AUTS2: variants seen among roughly 807,000 people sequenced by gnomAD.
AUTS2 encodes autism susceptibility gene 2 protein.
In AUTS2, 17 loss-of-function variants were observed where a neutral mutation model predicts 112.4. The observed-to-expected ratio is 0.15, with a 90% CI of 0.10 to 0.23. The LOEUF (loss-of-function observed/expected upper bound fraction) is 0.23, where lower values mean the gene tolerates loss of function less well. AUTS2 is among the 10% of genes least tolerant of loss of function. The pLI is 1.00. For missense variants in AUTS2, 1,510 were observed against 1,701.6 expected, an observed-to-expected ratio of 0.89 and a Z score of 1.98; for synonymous variants, 751 against 702.7, an observed-to-expected ratio of 1.07 and a Z score of -1.09.
chr7:70,394,906 T>C (rs1794016305), intron 4 of AUTS2, among the ~76,000 whole-genome samples: 1 of 152,082 alleles, frequency 6.6e-6, no homozygotes, highest in South Asian at 2.1e-4. Context: ...AACAAGACCC[T>C]GTCTCTTAAA....
intron 4 of AUTS2, among the ~76,000 whole-genome samples, chr7:70,144,272 A>G (rs1807010270): frequency 6.6e-6 from 1 of 152,180 alleles, no homozygotes; most frequent in African/African-American, 2.4e-5. Context: ...GGCGAAGTTA[A>G]TATCTCAACC....
intron 2 of AUTS2, among the ~76,000 whole-genome samples, chr7:70,106,518 G>C (rs896494108): frequency 1.3e-5 from 2 of 152,106 alleles, no homozygotes; most frequent in South Asian, 4.2e-4. Context: ...CCAGGAATTC[G>C]AGACCAGCCT....
At chr7:70,656,165 TG>T (rs1414625973) in intron 5 of AUTS2, among the ~76,000 whole-genome samples, 1 of 152,046 alleles carries the variant, frequency 6.6e-6, no homozygotes, top group Non-Finnish European at 1.5e-5. Flanking sequence ...TAAGCCACTT[TG>T]GGGCCCTCAA....
intron 1 of AUTS2, among the ~76,000 whole-genome samples, chr7:69,744,558 T>C (rs1230263815): frequency 6.6e-6 from 1 of 151,802 alleles, no homozygotes; most frequent in African/African-American, 2.4e-5. Context: ...TAGGTCCAGG[T>C]GTGATGGCTC....
intron 2 of AUTS2, among the ~76,000 whole-genome samples, chr7:70,065,641 G>A (rs1802454281): frequency 6.6e-6 from 1 of 152,138 alleles, no homozygotes. Context: ...AGGTTATGGT[G>A]AGCCGAGATG....
intron 5 of AUTS2, among the ~76,000 whole-genome samples, chr7:70,479,887 G>A (rs1019891724): frequency 6.6e-6 from 1 of 152,214 alleles, no homozygotes; most frequent in Non-Finnish European, 1.5e-5. Context: ...TGAAAGGTAA[G>A]TGCAGGACAG....
At chr7:70,083,186 C>T (rs914571408) in intron 2 of AUTS2, among the ~76,000 whole-genome samples, 5 of 152,164 alleles carry the variant, frequency 3.3e-5, no homozygotes, top group Middle Eastern at 3.4e-3. Flanking sequence ...CTAAGACTTC[C>T]AGGTTGTCAT....
intron 6 of AUTS2, among the ~76,000 whole-genome samples, chr7:70,702,073 GGTCTGTA>G (rs1563138733): frequency 2.0e-5 from 3 of 152,124 alleles, no homozygotes; most frequent in Non-Finnish European, 4.4e-5. Context: ...TCACCAGTTT[GGTCTGTA>G]GACAAAAGTG....
intron 5 of AUTS2, among the ~76,000 whole-genome samples, chr7:70,448,056 C>T (rs1015608684): frequency 6.6e-6 from 1 of 152,152 alleles, no homozygotes; most frequent in African/African-American, 2.4e-5. Context: ...GGCCCATAGG[C>T]TGCCATATAG....
intron 6 of AUTS2, among the ~76,000 whole-genome samples, chr7:70,762,306 G>GT (rs1483684093): frequency 1.3e-5 from 2 of 152,136 alleles, no homozygotes; most frequent in Non-Finnish European, 2.9e-5. Context: ...CTAGGCTGCT[G>GT]TTTTTTCTCA....
At chr7:69,932,427 TGG>T in intron 2 of AUTS2, among the ~76,000 whole-genome samples, 1 of 151,562 alleles carries the variant, frequency 6.6e-6, no homozygotes, top group South Asian at 2.1e-4. Flanking sequence ...CAAGGGAGGG[TGG>T]GGAGGAAAGG....
chr7:70,129,925 G>GTGTT (rs1483602210), intron 3 of AUTS2, among the ~76,000 whole-genome samples: 58 of 152,060 alleles, frequency 3.8e-4, no homozygotes, highest in African/African-American at 1.4e-3. Flanking sequence ...GTGTGTGTGT[G>GTGTT]TGTGTTTGGT....
intron 4 of AUTS2, among the ~76,000 whole-genome samples, chr7:70,397,655 A>G (rs1209680184): frequency 1.4e-5 from 2 of 146,096 alleles, no homozygotes; most frequent in African/African-American, 2.6e-5. Context: ...CCTTACATGT[A>G]TGTACACACA....
At chr7:69,938,773 C>T (rs891517259) in intron 2 of AUTS2, among the ~76,000 whole-genome samples, 1 of 152,128 alleles carries the variant, frequency 6.6e-6, no homozygotes, top group African/African-American at 2.4e-5. Flanking sequence ...CAGAAAAGAA[C>T]GTAGGCTAAG....
chr7:69,727,569 G>A (rs1786577768), intron 1 of AUTS2, among the ~76,000 whole-genome samples: 1 of 152,104 alleles, frequency 6.6e-6, no homozygotes, highest in Admixed American at 6.5e-5. Context: ...CAGCCTGGGA[G>A]ACAGAGTGAG....
In AUTS2 at chr7:69,766,338, T is replaced by C. The variant is rs558860799; in HGVS notation, c.310-132948T>C. 1.1e-4 allele frequency among the ~76,000 whole-genome samples: 16 copies of C among 152,360 alleles called. No homozygotes were observed. The South Asian group carries it at 2.7e-3, about 26-fold the overall frequency. On this transcript the variant is annotated intron_variant, in intron 1 of 18. Coordinates refer to ENST00000342771, the MANE Select transcript of AUTS2 (RefSeq NM_015570.4). ...GTATGTGTATACCACATTTTGCTTATTCATTCATTCCTCAGTCTACATTTG... is the reference window on the plus strand; with the variant it reads ...GTATGTGTATACCACATTTTGCTTACTCATTCATTCCTCAGTCTACATTTG...
chr7:70,124,688 G>A (rs937606678), intron 3 of AUTS2, among the ~76,000 whole-genome samples: 3 of 152,036 alleles, frequency 2.0e-5, no homozygotes, highest in South Asian at 2.1e-4. Context: ...TCAGTCCCCC[G>A]AGTAGCTGGG....
At chr7:70,129,115 T>C (rs1806133420) in intron 3 of AUTS2, among the ~76,000 whole-genome samples, 1 of 152,134 alleles carries the variant, frequency 6.6e-6, no homozygotes, top group Non-Finnish European at 1.5e-5. Context: ...AGAAATTGGC[T>C]CAGTTTTGGA....
chr7:69,614,367 T>TCTTTTCTTTCTTTTC (rs57602451), intron 1 of AUTS2, among the ~76,000 whole-genome samples: 6 of 90,292 alleles, frequency 6.6e-5, no homozygotes, highest in South Asian at 4.3e-4. Context: ...TTTCTTTCTT[T>TCTTTTCTTTCTTTTC]TTTTAAGAGA....
Sources: gnomAD v4.1 joint callset for allele counts (sites outside exome capture counted in the v4.1 genomes callset) on GRCh38, gnomAD v4.1.1 for gene constraint, MANE v1.5 for transcripts, NCBI Gene and HGNC (gene_info 2026-07-23, HGNC 2026-07-21) for gene names.